The following RABEPK variants were observed in gnomAD, a reference collection of about 807,000 sequenced individuals.
RABEPK encodes 40 kDa Rab9 effector protein.
A neutral mutation model predicts 34.1 loss-of-function variants in RABEPK; 27 were observed. That is an observed-to-expected ratio of 0.79 (90% CI 0.58 to 1.09). The LOEUF is 1.09. Among genes scored for constraint, RABEPK ranks in the 50% least tolerant of loss-of-function variants. RABEPK has a pLI of 0.00. For synonymous variants in RABEPK, 172 were observed against 169.2 expected, an observed-to-expected ratio of 1.02 and a Z score of -0.13; for missense variants, 449 against 462.6, an observed-to-expected ratio of 0.97 and a Z score of 0.27.
intron 6 of RABEPK, among the ~76,000 whole-genome samples, chr9:125,231,853 T>A (rs1832202225): frequency 6.6e-6 from 1 of 151,116 alleles, no homozygotes; most frequent in South Asian, 2.1e-4. Context: ...TGAGCAAAAT[T>A]TGTTGTTTAG....
At chr9:125,210,792 GTA>G (rs1830539670) in intron 3 of RABEPK, among the ~76,000 whole-genome samples, 1 of 150,376 alleles carries the variant, frequency 6.6e-6, no homozygotes, top group Non-Finnish European at 1.5e-5. Context: ...ACCCACTTAC[GTA>G]TTTTGTTAGG....
At chr9:125,213,800 G>C (rs1045891879) in intron 4 of RABEPK, among the ~76,000 whole-genome samples, 3 of 152,136 alleles carry the variant, frequency 2.0e-5, no homozygotes, top group Non-Finnish European at 4.4e-5. Flanking sequence ...GGCTACTCAG[G>C]TTTATCAAGG....
chr9:125,218,274 A>G (rs1831079472), intron 4 of RABEPK, among the ~76,000 whole-genome samples: 1 of 135,532 alleles, frequency 7.4e-6, no homozygotes. Context: ...GTGAGCCGAG[A>G]TCGCGCCACT....
chr9:125,206,916 C>A (rs572375625), intron 2 of RABEPK, among the ~76,000 whole-genome samples: 25 of 152,096 alleles, frequency 1.6e-4, no homozygotes, highest in Non-Finnish European at 3.1e-4. Context: ...ATGGAGAAAT[C>A]CCATCTCTAC....
Position 125,233,684 on chromosome 9 carries a change from A to G in RABEPK, c.827-4A>G, listed in dbSNP as rs766650271. The G allele has an allele frequency of 1.2e-6, 2 of 1,610,348 alleles. No homozygotes were observed. Among genetic ancestry groups the G allele is most frequent in the Admixed American group, 1.7e-5 (1 of 59,806 alleles). ...ACATGAAGCCTTTTCCCTCCCCAACATAGAAGAGCAGCATTGGACCTTGCT... is the reference window on the plus strand; with the variant it reads ...ACATGAAGCCTTTTCCCTCCCCAACGTAGAAGAGCAGCATTGGACCTTGCT... On this transcript the variant is annotated splice_region_variant and splice_polypyrimidine_tract_variant and intron_variant, in intron 7 of 7. Coordinates refer to ENST00000373538, the MANE Select transcript of RABEPK (RefSeq NM_005833.4).
chr9:125,203,327 A>C (rs1434011005), intron 2 of RABEPK, among the ~76,000 whole-genome samples: 1 of 152,192 alleles, frequency 6.6e-6, no homozygotes, highest in East Asian at 1.9e-4. Context: ...CTCAGCTCCA[A>C]TGCTGTGTCT....
rs762802701 is a variant in RABEPK, at chr9:125,232,717, A to G, written c.798A>G (p.Ala266=). 1 of 1,614,028 alleles carries G rather than the reference A, an allele frequency of 6.2e-7. No individual in the cohort carries two copies. Residue 266 remains alanine, a synonymous_variant, in exon 7 of 8, where the codon GCA becomes GCG. Transcript: ENST00000373538. The part of the protein sequence containing the change: ...YIFGGMTPAG[A]LDTMYQYHTE... ...TTGGTGGAATGACTCCTGCAGGAGC[A>G]CTGGACACAATGTACCAGTATCACA...
At chr9:125,225,359 C>G (rs1025653163) in intron 5 of RABEPK, among the ~76,000 whole-genome samples, 1 of 149,416 alleles carries the variant, frequency 6.7e-6, no homozygotes, top group Non-Finnish European at 1.5e-5. Flanking sequence ...TGCACTCCAG[C>G]CTAGGCAACA....
At chr9:125,231,765 C>T (rs1216845876) in intron 6 of RABEPK, among the ~76,000 whole-genome samples, 1 of 149,906 alleles carries the variant, frequency 6.7e-6, no homozygotes, top group East Asian at 2.0e-4. Flanking sequence ...GGCTGGGCAA[C>T]AGAGCGGAAA....
At position 125,203,134 on chromosome 9, in the gene RABEPK, C is replaced by T. The variant is rs1830010972; in HGVS notation, c.53+68C>T. 23 of 1,357,572 alleles carry T rather than the reference C, an allele frequency of 1.7e-5. No individual in the cohort carries two copies. The South Asian group carries it at 2.2e-4, about 13-fold the overall frequency. The allele number at this position is 1,357,572 out of a possible 1,614,324, so 84.1% of individuals were successfully genotyped here. On this transcript the variant is annotated intron_variant, in intron 2 of 7. Coordinates refer to ENST00000373538, the MANE Select transcript of RABEPK (RefSeq NM_005833.4). ...GTTTCATTTATAAGTAGTTTATTTA[C>T]ATATTTGATCATCAACAAAAAGGGG...
intron 5 of RABEPK, among the ~76,000 whole-genome samples, chr9:125,227,230 G>A (rs1323152043): frequency 6.6e-6 from 1 of 152,006 alleles, no homozygotes; most frequent in Non-Finnish European, 1.5e-5. Context: ...ACAAGAAGAT[G>A]ACTCTGAAGG....
chr9:125,203,953 A>G (rs566573580), intron 2 of RABEPK, among the ~76,000 whole-genome samples: 31 of 148,598 alleles, frequency 2.1e-4, no homozygotes, highest in Admixed American at 1.1e-3. Context: ...AATTGCTTGA[A>G]TCTGGGAGGC....
chr9:125,220,384 C>A (rs1430612974), intron 4 of RABEPK, 155 bp from the exon 5 acceptor site: 1 of 1,464,226 alleles, frequency 6.8e-7, no homozygotes, highest in Non-Finnish European at 9.0e-7. Flanking sequence ...CATCTTCATT[C>A]TTCCTTGATG....
chr9:125,203,968 G>T (rs1006540037), intron 2 of RABEPK, among the ~76,000 whole-genome samples: 2 of 147,982 alleles, frequency 1.4e-5, no homozygotes, highest in Non-Finnish European at 3.0e-5. Context: ...GGAGGCAGAG[G>T]TTGCAGTGAG....
Position 125,213,504 on chromosome 9 carries a change from C to T in RABEPK, c.346C>T (p.Leu116=). The T allele has an allele frequency of 2.5e-6, 4 of 1,613,810 alleles. No homozygotes were observed. The South Asian group carries it at 4.4e-5, about 18-fold the overall frequency. Residue 116 remains leucine (L), a synonymous_variant, in exon 4 of 8, where the codon CTA becomes TTA. Coordinates refer to ENST00000373538, the MANE Select transcript of RABEPK (RefSeq NM_005833.4). ...CAACCAATCAGGAAATCGAAATTGT[C>T]TACAAGTCCTGAATCCTGGTAAGTA... ...GANQSGNRNC[L]QVLNPETRTW...
intron 6 of RABEPK, among the ~76,000 whole-genome samples, chr9:125,232,249 G>C (rs140658628): frequency 2.2e-4 from 11 of 50,446 alleles, no homozygotes; most frequent in African/African-American, 4.7e-4. Flanking sequence ...CACACACAGA[G>C]ACAGAGAGAG....
At chr9:125,211,362 A>T (rs1830584744) in intron 3 of RABEPK, among the ~76,000 whole-genome samples, 1 of 151,538 alleles carries the variant, frequency 6.6e-6, no homozygotes, top group Non-Finnish European at 1.5e-5. Context: ...GTTGGCCAGG[A>T]GGGTCTTGAA....
chr9:125,233,566 T>A, intron 7 of RABEPK, 122 bp from the exon 8 acceptor site: 1 of 976,330 alleles, frequency 1.0e-6, no homozygotes, highest in Non-Finnish European at 1.5e-6. Flanking sequence ...ATGGTCTCCA[T>A]CTCCTGACCT....
rs771419648 is a variant in RABEPK at position 125,232,671 on chromosome 9, TG to T, written c.755del (p.Gly252GlufsTer10). On this transcript the variant is annotated frameshift_variant, in exon 7 of 8. Transcript: ENST00000373538. LOFTEE classifies it high-confidence loss of function. ...AGCAAHSAVAMGKHVYIFGGM... is the reference protein window; with the variant it reads ...AGCAAHSAVAXGKHVYIFGGM... ...TGTGCTGCCCACTCAGCTGTGGCCA[TG>T]GGAAAACATGTGTACATCTTTGGTG... 7 of 1,614,054 alleles carry T rather than the reference TG, an allele frequency of 4.3e-6. No individual in the cohort carries two copies. The highest frequency in any genetic ancestry group is 5.9e-6 in the Non-Finnish European group (7 of 1,180,014).
Sources: gnomAD v4.1 joint callset for allele counts (sites outside exome capture counted in the v4.1 genomes callset) on GRCh38, gnomAD v4.1.1 for gene constraint, MANE v1.5 for transcripts, NCBI Gene and HGNC (gene_info 2026-07-23, HGNC 2026-07-21) for gene names.